SUMF1: variants seen among roughly 807,000 people sequenced by gnomAD.
SUMF1 encodes the protein sulfatase modifying factor 1.
In SUMF1, 48 loss-of-function variants were observed where a neutral mutation model predicts 47.6. That is an observed-to-expected ratio of 1.01 (90% CI 0.80 to 1.28). The LOEUF (loss-of-function observed/expected upper bound fraction) is 1.28, where lower values mean the gene tolerates loss of function less well. SUMF1 is among the 50% of genes most tolerant of loss of function. The probability of loss-of-function intolerance (pLI) is 0.00; values close to 1 mark genes in which losing one functional copy is unlikely to be tolerated. For missense variants in SUMF1, 571 were observed against 485.4 expected (o/e 1.18, Z -1.66); for synonymous variants, 230 against 192.1 (o/e 1.20, Z -1.63).
intron 8 of SUMF1, among the ~76,000 whole-genome samples, chr3:4,265,522 A>G (rs1697174193): frequency 6.6e-6 from 1 of 152,182 alleles, no homozygotes. Context: ...TTCCAAGCTT[A>G]CCTAGCTACC....
rs562052960 is a variant in SUMF1, at chr3:4,412,189, A to T, written c.841-1211T>A. On this transcript the variant is annotated intron_variant, in intron 6 of 8. Transcript: ENST00000272902. ...CAGTAATTCCATGCACAGTGACTAA[A>T]GACAGTGAGGGCTTCAATAACAAAT... Among the ~76,000 whole-genome samples, 40 of 152,384 alleles carry T rather than the reference A, an allele frequency of 2.6e-4. 1 individual carries two copies. In the South Asian group the frequency reaches 5.2e-3, roughly 20 times the overall value.
intron 8 of SUMF1, among the ~76,000 whole-genome samples, chr3:4,206,868 C>G (rs978971473): frequency 6.6e-6 from 1 of 151,848 alleles, no homozygotes; most frequent in African/African-American, 2.4e-5. Context: ...AATTTAGGAA[C>G]TAGTTGTCAA....
chr3:4,280,763 G>T (rs2125045358), intron 8 of SUMF1, among the ~76,000 whole-genome samples: 1 of 150,956 alleles, frequency 6.6e-6, no homozygotes, highest in East Asian at 2.0e-4. Flanking sequence ...CTAGTGTCTG[G>T]TAGTTCCTTG....
At chr3:4,209,014 G>C (rs533769414) in intron 8 of SUMF1, among the ~76,000 whole-genome samples, 2 of 152,188 alleles carry the variant, frequency 1.3e-5, no homozygotes, top group East Asian at 3.9e-4. Context: ...GAGTTGGGTA[G>C]AAGTTCTCTC....
intron 7 of SUMF1, among the ~76,000 whole-genome samples, chr3:4,399,734 G>A (rs1701147454): frequency 6.6e-6 from 1 of 152,158 alleles, no homozygotes; most frequent in African/African-American, 2.4e-5. Context: ...TCAAAACAGT[G>A]CGTAAATTTC....
intron 8 of SUMF1, among the ~76,000 whole-genome samples, chr3:4,285,080 T>A (rs13075522): frequency 0.41 from 61,618 of 151,972 alleles, 12,821 homozygotes; most frequent in Non-Finnish European, 0.45. Flanking sequence ...CCATGAGTGC[T>A]GTTCTCCTGT....
intron 8 of SUMF1, among the ~76,000 whole-genome samples, chr3:4,173,556 T>C (rs1694880559): frequency 6.6e-6 from 1 of 152,160 alleles, no homozygotes; most frequent in Admixed American, 6.5e-5. Flanking sequence ...TATAAATCAT[T>C]CTGCTATAAA....
intron 8 of SUMF1, among the ~76,000 whole-genome samples, chr3:4,186,023 C>T (rs973542606): frequency 6.6e-6 from 1 of 152,162 alleles, no homozygotes; most frequent in Admixed American, 6.5e-5. Context: ...TTTCCCTTTC[C>T]TATGGACAGT....
At chr3:4,248,806 G>A (rs187813436) in intron 8 of SUMF1, among the ~76,000 whole-genome samples, 51 of 152,320 alleles carry the variant, frequency 3.3e-4, no homozygotes, top group African/African-American at 1.1e-3. Flanking sequence ...AAAAGAAAGT[G>A]TTGATGAGAG....
intron 1 of SUMF1, among the ~76,000 whole-genome samples, chr3:4,462,515 G>A (rs1303443022): frequency 6.6e-6 from 1 of 152,136 alleles, no homozygotes; most frequent in Non-Finnish European, 1.5e-5. Flanking sequence ...GTCCCTTCCA[G>A]TTTTTTCCTG....
chr3:4,279,713 C>G (rs1697489884), intron 8 of SUMF1, among the ~76,000 whole-genome samples: 1 of 151,998 alleles, frequency 6.6e-6, no homozygotes, highest in Non-Finnish European at 1.5e-5. Flanking sequence ...ATAATACGAA[C>G]CAAGTTACAT....
chr3:4,103,887 C>T (rs1693095536), intron 8 of SUMF1, among the ~76,000 whole-genome samples: 1 of 152,132 alleles, frequency 6.6e-6, no homozygotes, highest in Non-Finnish European at 1.5e-5. Flanking sequence ...CAGAAGCAGA[C>T]CCTCCAATTA....
At chr3:4,301,367 A>C (rs1697960824) in intron 8 of SUMF1, among the ~76,000 whole-genome samples, 2 of 152,246 alleles carry the variant, frequency 1.3e-5, no homozygotes, top group Admixed American at 1.3e-4. Context: ...AAAGGCTCAT[A>C]AGACAGAATA....
At chr3:4,249,932 C>T (rs1696756612) in intron 8 of SUMF1, among the ~76,000 whole-genome samples, 1 of 152,176 alleles carries the variant, frequency 6.6e-6, no homozygotes. Flanking sequence ...CCTCTAATCC[C>T]AGCACTTGGG....
intron 8 of SUMF1, among the ~76,000 whole-genome samples, chr3:4,321,756 G>A (rs1013212577): frequency 1.3e-5 from 2 of 152,068 alleles, no homozygotes; most frequent in African/African-American, 4.8e-5. Flanking sequence ...CGAAAAGGGG[G>A]ACCATAAATT....
At chr3:4,077,438 A>C (rs1047770921) in intron 8 of SUMF1, among the ~76,000 whole-genome samples, 2 of 152,148 alleles carry the variant, frequency 1.3e-5, no homozygotes, top group African/African-American at 4.8e-5. Flanking sequence ...TGGATAAAGA[A>C]AATGTGGCAC....
chr3:4,193,211 AATTTT>A (rs1436238197), intron 8 of SUMF1, among the ~76,000 whole-genome samples: 4 of 152,024 alleles, frequency 2.6e-5, no homozygotes, highest in East Asian at 3.9e-4. Context: ...GAAGAACTGA[AATTTT>A]ATTTTATTTT....
intron 7 of SUMF1, among the ~76,000 whole-genome samples, chr3:4,400,154 AC>A (rs1396346884): frequency 6.6e-6 from 1 of 152,070 alleles, no homozygotes; most frequent in African/African-American, 2.4e-5. Flanking sequence ...TTCCCAGAGT[AC>A]CCCTCCTCTG....
At chr3:4,400,767 T>C (rs1701183596) in intron 7 of SUMF1, among the ~76,000 whole-genome samples, 1 of 152,178 alleles carries the variant, frequency 6.6e-6, no homozygotes, top group Admixed American at 6.5e-5. Flanking sequence ...TTTCACCCCC[T>C]GGCCCCAAGA....
Sources: gnomAD v4.1 joint callset for allele counts (sites outside exome capture counted in the v4.1 genomes callset) on GRCh38, gnomAD v4.1.1 for gene constraint, MANE v1.5 for transcripts, NCBI Gene and HGNC (gene_info 2026-07-23, HGNC 2026-07-21) for gene names.